The following CSRNP2 variants were observed in gnomAD, a reference collection of about 807,000 sequenced individuals.
CSRNP2 encodes cysteine/serine-rich nuclear protein 2.
Under a neutral mutation model 36.6 loss-of-function variants are expected in CSRNP2, and 11 were observed. That is an observed-to-expected ratio of 0.30 (90% CI 0.19 to 0.50). The LOEUF is 0.50. Ranked by LOEUF, CSRNP2 falls within the 20% of genes least tolerant of loss-of-function variation. The probability of loss-of-function intolerance (pLI) is 0.98; values close to 1 mark genes in which losing one functional copy is unlikely to be tolerated. For missense variants in CSRNP2, 483 were observed against 691.4 expected, an observed-to-expected ratio of 0.70 and a Z score of 3.38; for synonymous variants, 248 against 275.3, an observed-to-expected ratio of 0.90 and a Z score of 0.98.
intron 2 of CSRNP2, among the ~76,000 whole-genome samples, chr12:51,074,481 G>A (rs552204315): frequency 2.0e-5 from 3 of 152,236 alleles, no homozygotes; most frequent in African/African-American, 7.2e-5. Flanking sequence ...ATCCATCTAG[G>A]CTCTCAACTC....
intron 4 of CSRNP2, among the ~76,000 whole-genome samples, chr12:51,065,244 C>A (rs975749396): frequency 2.0e-5 from 3 of 152,190 alleles, no homozygotes; most frequent in Admixed American, 6.5e-5. Flanking sequence ...AATTTTTTAG[C>A]TACCTGCTTT....
At position 51,067,572 on chromosome 12, in the gene CSRNP2, G is replaced by C; in HGVS notation, c.708+101C>G. 1 of 1,161,132 alleles carries C rather than the reference G, an allele frequency of 8.6e-7. No homozygotes were observed. Among genetic ancestry groups the C allele is most frequent in the Non-Finnish European group, 1.2e-6 (1 of 802,600 alleles). The allele number at this position is 1,161,132 out of a possible 1,614,324, so 71.9% of individuals were successfully genotyped here. A position where few individuals can be genotyped will look rare whatever the true frequency, so the allele number is the denominator to read the frequency against. On this transcript the variant is annotated intron_variant, in intron 4 of 4. Coordinates refer to ENST00000228515, the MANE Select transcript of CSRNP2 (RefSeq NM_030809.3). The surrounding 1 kb of genome is among the most constrained non-coding windows in gnomAD (Gnocchi z 4.1). ...GAACTGGAGAGTGTTCACAACCATA[G>C]GGAATCCACCCCTGAATGGGCCTCC... is the stretch of plus-strand genomic sequence containing the variant.
rs1245204966 is a variant in CSRNP2, at chr12:51,063,988, A to C, written c.1390T>G (p.Ser464Ala). The stretch of plus-strand genomic sequence containing the variant: ...TTACAGAGGGCAGCTGGGTCTGTGG[A>C]GCTACAAGCCACGAGTGAGGTAACA... Reference protein sequence around the residue: ...LPVTSLVACSSTDPAALCKSE... With the variant: ...LPVTSLVACSATDPAALCKSE... The change falls in exon 5 of 5, where the codon TCC (serine) becomes GCC (alanine). Residue 464 changes from serine (S) to alanine (A), a missense_variant. Around this residue, in one of 2 missense-constraint regions of CSRNP2, gnomAD observed 277 missense variants for 323.6 expected, o/e 0.86. Transcript: ENST00000228515. 2 of 1,613,966 alleles carry C rather than the reference A, an allele frequency of 1.2e-6. No homozygotes were observed. Among genetic ancestry groups the C allele is most frequent in the South Asian group, 2.2e-5 (2 of 91,080 alleles).
chr12:51,066,074 C>T (rs979801295), intron 4 of CSRNP2, among the ~76,000 whole-genome samples: 3 of 152,196 alleles, frequency 2.0e-5, no homozygotes, highest in Non-Finnish European at 4.4e-5. Flanking sequence ...AATCCCAGTA[C>T]TTCGGGAGGC....
At chr12:51,079,378 G>A (rs962755618) in intron 1 of CSRNP2, among the ~76,000 whole-genome samples, 8 of 151,514 alleles carry the variant, frequency 5.3e-5, no homozygotes, top group South Asian at 2.1e-4. Context: ...AAAAGATACC[G>A]ATCGACAAAC....
Position 51,061,642 on chromosome 12 carries a change from T to TA in CSRNP2, c.*2103dup, listed in dbSNP as rs1948833944. 6.6e-6 allele frequency: 1 copy of TA among 152,490 alleles called. No homozygotes were observed. The highest frequency in any genetic ancestry group is 6.5e-5 in the Admixed American group (1 of 15,272). The allele number at this position is 152,490 out of a possible 1,614,324, so 9.4% of individuals were successfully genotyped here. A position where few individuals can be genotyped will look rare whatever the true frequency, so the allele number is the denominator to read the frequency against. On this transcript the variant is annotated 3_prime_UTR_variant, in exon 5 of 5. Transcript: ENST00000228515. Reference sequence around the variant, plus strand: ...GTAGCGTTAATGAAGGGGATGGACTTAAATTAAGAAACTACAGGTTTTCAG... The same window carrying TA: ...GTAGCGTTAATGAAGGGGATGGACTTAAAATTAAGAAACTACAGGTTTTCAG...
At chr12:51,070,040 G>A (rs923366822) in intron 3 of CSRNP2, among the ~76,000 whole-genome samples, 6 of 151,814 alleles carry the variant, frequency 4.0e-5, no homozygotes, top group Non-Finnish European at 7.4e-5. Context: ...AAGAAAGGGA[G>A]TCTTGGTGGA....
At position 51,063,454 on chromosome 12, in the gene CSRNP2, CT is replaced by C; in HGVS notation, c.*291del. On this transcript the variant is annotated 3_prime_UTR_variant, in exon 5 of 5. Transcript: ENST00000228515. ...AAGAATAGCTGCTTGAGTTACCCAGCTTTTCCTGTGAGATCCTAGTTCTTTG... is the reference window on the plus strand; with the variant it reads ...AAGAATAGCTGCTTGAGTTACCCAGCTTTCCTGTGAGATCCTAGTTCTTTG... The C allele has an allele frequency of 4.6e-6, 1 of 217,540 alleles. No homozygotes were observed. Among genetic ancestry groups the C allele is most frequent in the Non-Finnish European group, 9.1e-6 (1 of 110,318 alleles). 13.5% of individuals were successfully genotyped at this position (217,540 alleles called of 1,614,324 possible).
intron 3 of CSRNP2, among the ~76,000 whole-genome samples, chr12:51,068,179 C>T (rs936189879): frequency 6.6e-6 from 1 of 152,160 alleles, no homozygotes; most frequent in Non-Finnish European, 1.5e-5. Context: ...TTTTTTGAGA[C>T]AAAAGTCTCA....
At chr12:51,071,634 G>C (rs1239431820) in intron 3 of CSRNP2, among the ~76,000 whole-genome samples, 1 of 152,158 alleles carries the variant, frequency 6.6e-6, no homozygotes, top group Non-Finnish European at 1.5e-5. Flanking sequence ...TGTCATCACT[G>C]CTGGTGCTCA....
Position 51,067,914 on chromosome 12 carries a change from T to C in CSRNP2, c.467A>G (p.Asp156Gly). 6.2e-7 allele frequency: 1 copy of C among 1,614,090 alleles called. No homozygotes were observed. ...SVEADGLTLD[D>G]VSDEDIDVEN... ...CACATCAATATCTTCATCTGACACA[T>C]CATCCAGCGTCAGGCCATCAGCCTC... The change falls in exon 4 of 5, where the codon GAT becomes GGT. Residue 156 changes from aspartate (D) to glycine (G), a missense_variant. Coordinates refer to ENST00000228515, the MANE Select transcript of CSRNP2 (RefSeq NM_030809.3). The surrounding 1 kb of genome is among the most constrained non-coding windows in gnomAD (Gnocchi z 4.1).
chr12:51,071,432 G>T (rs908206760), intron 3 of CSRNP2, among the ~76,000 whole-genome samples: 1 of 150,282 alleles, frequency 6.7e-6, no homozygotes, highest in Non-Finnish European at 1.5e-5. Context: ...TCTAAGCAAA[G>T]AATAAACTAG....
At chr12:51,072,562 C>CAAAAAAAAAAAAAAAAA (rs71089741) in intron 3 of CSRNP2, among the ~76,000 whole-genome samples, 1 of 66,932 alleles carries the variant, frequency 1.5e-5, no homozygotes, top group Admixed American at 1.8e-4. Context: ...GGCTCCGTCT[C>CAAAAAAAAAAAAAAAAA]AAAAAAAAAA....
At chr12:51,068,491 T>G (rs755226008) in intron 3 of CSRNP2, among the ~76,000 whole-genome samples, 3 of 152,160 alleles carry the variant, frequency 2.0e-5, no homozygotes, top group Non-Finnish European at 4.4e-5. Flanking sequence ...GCTGCTATAT[T>G]CACTAGCACA....
chr12:51,064,526 C>T lies in CSRNP2; in HGVS notation c.852G>A (p.Val284=), dbSNP rs1190970018. The change falls in exon 5 of 5, where the codon GTG becomes GTA. Residue 284 remains valine (V), a synonymous_variant. Transcript: ENST00000228515. ...CCTCATCTGGGGCTGCTGGGCGGCT[C>T]ACCTGCCGCTTGCTCTCCAGCTCCA... ...MKLELESKRQ[V]SRPAAPDEEP... 6.2e-7 allele frequency: 1 copy of T among 1,613,346 alleles called. No homozygotes were observed. Among genetic ancestry groups the T allele is most frequent in the African/African-American group, 1.3e-5 (1 of 75,034 alleles).
At chr12:51,075,300 C>T (rs191622693) in intron 2 of CSRNP2, among the ~76,000 whole-genome samples, 1 of 151,930 alleles carries the variant, frequency 6.6e-6, no homozygotes, top group East Asian at 2.0e-4. Flanking sequence ...TTTGTAGAGA[C>T]GAGGTTTCGC....
In CSRNP2 at chr12:51,062,180, T is replaced by G. The variant is rs541939684; in HGVS notation, c.*1566A>C. 50 of 152,346 alleles carry G rather than the reference T, an allele frequency of 3.3e-4. No homozygotes were observed. Among genetic ancestry groups the G allele is most frequent in the African/African-American group, 1.1e-3 (47 of 41,582 alleles). 9.4% of individuals were successfully genotyped at this position (152,346 alleles called of 1,614,324 possible). A position where few individuals can be genotyped will look rare whatever the true frequency, so the allele number is the denominator to read the frequency against. On this transcript the variant is annotated 3_prime_UTR_variant, in exon 5 of 5. Coordinates refer to ENST00000228515, the MANE Select transcript of CSRNP2 (RefSeq NM_030809.3). ...TGAAATGCTGCTGCGACATACGTGA[T>G]GGTTTCTGTAAGACACCAGGGCCTT...
intron 1 of CSRNP2, chr12:51,081,417 G>A (rs1205592083): frequency 1.3e-5 from 2 of 152,060 alleles, no homozygotes; most frequent in East Asian, 1.9e-4. Context: ...AGAAAAATCA[G>A]TCATTCCTAC....
intron 1 of CSRNP2, among the ~76,000 whole-genome samples, chr12:51,080,662 G>A (rs1764626482): frequency 6.6e-6 from 1 of 152,168 alleles, no homozygotes; most frequent in Non-Finnish European, 1.5e-5. Flanking sequence ...ATGGCACTCA[G>A]GGAAATCCTC....
Sources: gnomAD v4.1 joint callset for allele counts (sites outside exome capture counted in the v4.1 genomes callset) on GRCh38, gnomAD v4.1.1 for gene constraint, gnomAD v4.1.1 regional missense constraint, Gnocchi (gnomAD v3.1) non-coding constraint, MANE v1.5 for transcripts, NCBI Gene and HGNC (gene_info 2026-07-23, HGNC 2026-07-21) for gene names.